Variants in KLF11 observed in about 807,000 individuals in gnomAD.
KLF11 encodes Krueppel-like factor 11.
A neutral mutation model predicts 29.9 loss-of-function variants in KLF11; 26 were observed. The ratio of observed to expected loss-of-function variants is 0.87; its 90% CI spans 0.64 to 1.21. KLF11 has a LOEUF of 1.21. Among genes scored for constraint, KLF11 ranks in the 50% most tolerant of loss-of-function variants. KLF11 has a pLI of 0.00. For synonymous variants in KLF11, 318 were observed against 257.4 expected (o/e 1.24, Z -2.25); for missense variants, 778 against 665.7 (o/e 1.17, Z -1.86).
chr2:10,048,588 T>G lies in KLF11; in HGVS notation c.1251T>G (p.Thr417=). 6.2e-7 allele frequency: 1 copy of G among 1,601,062 alleles called. No individual in the cohort carries two copies. The highest frequency in any genetic ancestry group is 8.5e-7 in the Non-Finnish European group (1 of 1,178,926). The change falls in exon 3 of 4, where the codon ACT becomes ACG. Residue 417 remains threonine, a synonymous_variant. Transcript: ENST00000305883. The stretch of plus-strand genomic sequence containing the variant: ...CCCACCTTAAGGCCCATCTTCGCAC[T>G]CACACAGGTAAGCGCTGGGGCAGGT... ...KSSHLKAHLR[T]HTGEKPFNCS... is the part of the protein sequence containing the mutation.
chr2:10,046,314 A>G lies in KLF11; in HGVS notation c.207A>G (p.Ile69Met), dbSNP rs1185998825. The change falls in exon 2 of 4, where the codon ATA becomes ATG. Residue 69 changes from isoleucine to methionine, a missense_variant. By Grantham distance (10) the Ile-to-Met change is conservative. Transcript: ENST00000305883. ...CCCAGAAAGGTGACCTGTTGCGGAT[A>G]AGACCCCTCACGCCTGTCTCTGACT... ...QRSQKGDLLRIRPLTPVSDSG... is the reference protein window; with the variant it reads ...QRSQKGDLLRMRPLTPVSDSG... The G allele has an allele frequency of 6.2e-7, 1 of 1,614,188 alleles. No homozygotes were observed. Among genetic ancestry groups the G allele is most frequent in the Middle Eastern group, 1.6e-4 (1 of 6,062 alleles).
intron 1 of KLF11, 43 bp downstream of exon 1, chr2:10,043,801 A>G: frequency 1.5e-6 from 2 of 1,331,916 alleles, no homozygotes; most frequent in Non-Finnish European, 2.0e-6. Flanking sequence ...CGTCTGAGCG[A>G]GGGGCGAGGC....
chr2:10,044,864 G>T (rs1171095762), intron 1 of KLF11, among the ~76,000 whole-genome samples: 1 of 152,130 alleles, frequency 6.6e-6, no homozygotes, highest in Non-Finnish European at 1.5e-5. Flanking sequence ...AGACGGTGAG[G>T]GTCTGGTGCG....
At position 10,044,028 on chromosome 2, in the gene KLF11, G is replaced by T. The variant is rs943565316; in HGVS notation, c.42+270G>T. On this transcript the variant is annotated intron_variant, in intron 1 of 3. Transcript: ENST00000305883. ...TGGGCGGCCCCGCCCCGCTGGCCCC[G>T]CGGCTATTTCCAGCCATGACGTCAC... 4.1e-6 allele frequency: 3 copies of T among 723,124 alleles called. No homozygotes were observed. In the East Asian group the frequency reaches 3.7e-4, roughly 90 times the overall value. The allele number at this position is 723,124 out of a possible 1,614,324, so 44.8% of individuals were successfully genotyped here.
chr2:10,044,076 C>A, intron 1 of KLF11: 1 of 712,358 alleles, frequency 1.4e-6, no homozygotes, highest in Non-Finnish European at 1.7e-6. Context: ...AGCCGGACGG[C>A]CGTTGGGCGG....
At chr2:10,043,976 C>A in intron 1 of KLF11, 1 of 876,318 alleles carries the variant, frequency 1.1e-6, no homozygotes, top group Non-Finnish European at 1.4e-6. Context: ...GGGGCGTGTT[C>A]CCCGCGCAGC....
Position 10,052,648 on chromosome 2 carries a change from A to C in KLF11, c.*141A>C. ...GAAGATCGGGGAGCTGGTTTTGATG[A>C]AAGTATGTTAACTTTTCTTTTCCAC... On this transcript the variant is annotated 3_prime_UTR_variant, in exon 4 of 4. Transcript: ENST00000305883. The C allele has an allele frequency of 1.2e-6, 1 of 804,352 alleles. No homozygotes were observed. Among genetic ancestry groups the C allele is most frequent in the Non-Finnish European group, 2.0e-6 (1 of 493,154 alleles). The allele number at this position is 804,352 out of a possible 1,614,324, so 49.8% of individuals were successfully genotyped here.
intron 3 of KLF11, among the ~76,000 whole-genome samples, chr2:10,050,543 C>T (rs1041635840): frequency 6.6e-6 from 1 of 151,936 alleles, no homozygotes; most frequent in Non-Finnish European, 1.5e-5. Context: ...AACCCCGTCT[C>T]TACTAAAAAT....
chr2:10,044,973 C>T (rs186970602), intron 1 of KLF11, among the ~76,000 whole-genome samples: 13 of 152,262 alleles, frequency 8.5e-5, no homozygotes, highest in Non-Finnish European at 1.3e-4. Context: ...TGGGGAAAAC[C>T]GCTCTCTACT....
At position 10,047,703 on chromosome 2, in the gene KLF11, T is replaced by C. The variant is rs1377606366; in HGVS notation, c.366T>C (p.Pro122=). 1.2e-6 allele frequency: 2 copies of C among 1,613,646 alleles called. No homozygotes were observed. Among genetic ancestry groups the C allele is most frequent in the Admixed American group, 1.7e-5 (1 of 60,020 alleles). ...PDLVEPSTRT[P]VSPQVTDSKA... is the part of the protein sequence containing the mutation. ...TCGTGGAGCCATCGACAAGGACACC[T>C]GTTTCTCCCCAAGTAACAGATTCCA... The change falls in exon 3 of 4, where the codon CCT becomes CCC. Residue 122 remains proline (P), a synonymous_variant. Coordinates refer to ENST00000305883, the MANE Select transcript of KLF11 (RefSeq NM_003597.5).
At position 10,046,210 on chromosome 2, in the gene KLF11, T is replaced by A. The variant is rs984401644; in HGVS notation, c.103T>A (p.Ser35Thr). ...LERKRHDSER[S>T]TCSILEQTDM... ...GAGGAAGCGGCATGACAGCGAAAGG[T>A]CTACTTGCAGCATCTTGGAGCAGAC... The change falls in exon 2 of 4, where the codon TCT becomes ACT. Residue 35 changes from serine to threonine, a missense_variant. By Grantham distance (58) the Ser-to-Thr change is moderately conservative. Transcript: ENST00000305883. 3.7e-6 allele frequency: 6 copies of A among 1,614,138 alleles called. No homozygotes were observed. The highest frequency in any genetic ancestry group is 5.1e-6 in the Non-Finnish European group (6 of 1,180,034).
intron 1 of KLF11, among the ~76,000 whole-genome samples, chr2:10,044,662 T>C (rs1381171795): frequency 6.6e-6 from 1 of 151,214 alleles, no homozygotes; most frequent in Non-Finnish European, 1.5e-5. Flanking sequence ...TTTTTTTTTT[T>C]TGATAGGGAG....
In KLF11 at chr2:10,047,787, CG is replaced by C; in HGVS notation, c.455del (p.Gly152AlafsTer24). The C allele has an allele frequency of 6.2e-7, 1 of 1,613,536 alleles. No individual in the cohort carries two copies. On this transcript the variant is annotated frameshift_variant, in exon 3 of 4. Transcript: ENST00000305883. LOFTEE classifies it high-confidence loss of function. ...CTGCCGTAGTGGCCAGAGCTCTGAG[CG>C]GGGGCGCGGAGAGGGGCTTGCTGGG... The part of the protein sequence containing the change: ...SSAVVARALS[G>X]GAERGLLGLE...
At position 10,043,571 on chromosome 2, in the gene KLF11, CA is replaced by C; in HGVS notation, c.-145del. On this transcript the variant is annotated 5_prime_UTR_variant, in exon 1 of 4. Coordinates refer to ENST00000305883, the MANE Select transcript of KLF11 (RefSeq NM_003597.5). ...CCGCGCCGCGAGGGCCGCGCCGGGG[CA>C]GAGCCGCGCGGGCGGGCGAGGCGCG... 1 of 389,046 alleles carries C rather than the reference CA, an allele frequency of 2.6e-6. No individual in the cohort carries two copies. Among genetic ancestry groups the C allele is most frequent in the Non-Finnish European group, 3.5e-6 (1 of 288,186 alleles). 24.1% of individuals were successfully genotyped at this position (389,046 alleles called of 1,614,324 possible).
intron 1 of KLF11, chr2:10,044,413 G>A: frequency 6.1e-6 from 6 of 985,550 alleles, no homozygotes; most frequent in Non-Finnish European, 7.2e-6. Flanking sequence ...CGTGGTGTGC[G>A]GGCACTGTGG....
chr2:10,046,495 TGAG>T, intron 2 of KLF11, 76 bp downstream of exon 2: 2 of 1,515,162 alleles, frequency 1.3e-6, no homozygotes, highest in Non-Finnish European at 1.8e-6. Context: ...GAAGAACTTG[TGAG>T]AAGATTCCCT....
At chr2:10,047,090 G>GAC (rs1661230209) in intron 2 of KLF11, among the ~76,000 whole-genome samples, 1 of 152,188 alleles carries the variant, frequency 6.6e-6, no homozygotes, top group African/African-American at 2.4e-5. Flanking sequence ...CATGTACTTT[G>GAC]ACATCAGATT....
chr2:10,050,453 T>G (rs927399072), intron 3 of KLF11, among the ~76,000 whole-genome samples: 3 of 149,220 alleles, frequency 2.0e-5, no homozygotes, highest in African/African-American at 7.4e-5. Context: ...GGCTCATACC[T>G]GTATTCCCAG....
At position 10,054,415 on chromosome 2, in the gene KLF11, G is replaced by A. The variant is rs1479254592; in HGVS notation, c.*1908G>A. On this transcript the variant is annotated 3_prime_UTR_variant, in exon 4 of 4. Coordinates refer to ENST00000305883, the MANE Select transcript of KLF11 (RefSeq NM_003597.5). Reference sequence around the variant, plus strand: ...TCCAAGCAGTGATATTTCTAAAGAGGAGATACATGTTGAAAACGGTTTTAA... The same window carrying A: ...TCCAAGCAGTGATATTTCTAAAGAGAAGATACATGTTGAAAACGGTTTTAA... 2.0e-5 allele frequency: 3 copies of A among 152,536 alleles called. No individual in the cohort carries two copies. The highest frequency in any genetic ancestry group is 6.5e-5 in the Admixed American group (1 of 15,282). The allele number at this position is 152,536 out of a possible 1,614,324, so 9.4% of individuals were successfully genotyped here.
Sources: gnomAD v4.1 joint callset for allele counts (sites outside exome capture counted in the v4.1 genomes callset) on GRCh38, gnomAD v4.1.1 for gene constraint, MANE v1.5 for transcripts, NCBI Gene and HGNC (gene_info 2026-07-23, HGNC 2026-07-21) for gene names.